The following ABCC4 variants were observed in gnomAD, a reference collection of about 807,000 sequenced individuals.
ABCC4 encodes ATP-binding cassette sub-family C member 4.
In ABCC4, 102 loss-of-function variants were observed where a neutral mutation model predicts 168.5. The ratio of observed to expected loss-of-function variants is 0.61; its 90% confidence interval spans 0.52 to 0.71. The LOEUF (loss-of-function observed/expected upper bound fraction) is 0.71, where lower values mean the gene tolerates loss of function less well. Ranked by LOEUF, ABCC4 falls within the 30% of genes least tolerant of loss-of-function variation. The pLI, the probability that ABCC4 is intolerant of heterozygous loss-of-function variation, is 0.00. For synonymous variants in ABCC4, 617 were observed against 590.7 expected (o/e 1.04, Z -0.65); for missense variants, 1,402 against 1,605.8 (o/e 0.87, Z 2.17).
At chr13:95,255,307 G>T (rs886314611) in intron 1 of ABCC4, among the ~76,000 whole-genome samples, 5 of 152,312 alleles carry the variant, frequency 3.3e-5, no homozygotes, top group African/African-American at 9.6e-5. Context: ...GTTCACCAGG[G>T]CCTCTGTCCT....
chr13:95,214,411 A>G (rs1182271555), intron 4 of ABCC4, among the ~76,000 whole-genome samples: 1 of 152,210 alleles, frequency 6.6e-6, no homozygotes. Context: ...CAAAGTTGGT[A>G]GCAAATATTA....
intron 4 of ABCC4, among the ~76,000 whole-genome samples, chr13:95,228,377 G>T (rs947918938): frequency 6.6e-6 from 1 of 152,156 alleles, no homozygotes; most frequent in Non-Finnish European, 1.5e-5. Flanking sequence ...TTATGGGAGG[G>T]CACCTTCCAC....
chr13:95,197,900 G>A (rs758336072), intron 8 of ABCC4, among the ~76,000 whole-genome samples: 1 of 152,026 alleles, frequency 6.6e-6, no homozygotes, highest in Admixed American at 6.6e-5. Flanking sequence ...TAAAAACTTC[G>A]CAATAAAACC....
intron 19 of ABCC4, among the ~76,000 whole-genome samples, chr13:95,142,701 T>C (rs575378209): frequency 2.0e-5 from 3 of 152,216 alleles, no homozygotes; most frequent in Middle Eastern, 3.4e-3. Flanking sequence ...ATGGCTAGAA[T>C]TAGGATTAGA....
At chr13:95,168,326 G>A (rs1208248479) in intron 14 of ABCC4, among the ~76,000 whole-genome samples, 1 of 152,114 alleles carries the variant, frequency 6.6e-6, no homozygotes, top group African/African-American at 2.4e-5. Flanking sequence ...CTGGGGGAGT[G>A]GGGAAGAGCC....
chr13:95,064,245 GGTGTGTGT>G (rs530317662), intron 25 of ABCC4, among the ~76,000 whole-genome samples: 1,202 of 42,326 alleles, frequency 0.028, 30 homozygotes, highest in East Asian at 0.044. Flanking sequence ...GGTACATCCG[GGTGTGTGT>G]GTGTGTGTAT....
intron 4 of ABCC4, among the ~76,000 whole-genome samples, chr13:95,232,878 C>A (rs1179420925): frequency 1.3e-5 from 2 of 152,054 alleles, no homozygotes; most frequent in Non-Finnish European, 2.9e-5. Context: ...TATCTCAATA[C>A]AAAAGCACAA....
chr13:95,144,665 A>G (rs536131623), intron 19 of ABCC4, among the ~76,000 whole-genome samples: 4 of 152,326 alleles, frequency 2.6e-5, no homozygotes, highest in Non-Finnish European at 5.9e-5. Context: ...AATATTTAGG[A>G]ACACAGGTAA....
intron 25 of ABCC4, among the ~76,000 whole-genome samples, chr13:95,063,937 A>G (rs2033397456): frequency 6.6e-6 from 1 of 152,156 alleles, no homozygotes; most frequent in South Asian, 2.1e-4. Context: ...GACATAAAAC[A>G]TGCCTTCAAT....
Position 95,206,569 on chromosome 13 carries a change from C to G in ABCC4, c.1124G>C (p.Arg375Thr), listed in dbSNP as rs2038786541. 1 of 1,614,070 alleles carries G rather than the reference C, an allele frequency of 6.2e-7. No homozygotes were observed. The highest frequency in any genetic ancestry group is 8.5e-7 in the Non-Finnish European group (1 of 1,180,028). The stretch of plus-strand genomic sequence containing the variant: ...GATGCTGACGATTGCCTCTGACACC[C>G]TCTCAATGGCTGAGGGGAAGAAGAG... ...VTLFFPSAIERVSEAIVSIRR... is the reference protein window; with the variant it reads ...VTLFFPSAIETVSEAIVSIRR... Residue 375 changes from arginine to threonine, a missense_variant, in exon 8 of 31, where the codon AGG becomes ACG. Arg to Thr is a moderately conservative substitution (Grantham distance 71, BLOSUM62 -1). Around this residue, in one of 3 missense-constraint regions of ABCC4, gnomAD observed 78 missense variants for 133.0 expected, o/e 0.59. Coordinates refer to ENST00000645237, the MANE Select transcript of ABCC4 (RefSeq NM_005845.5).
chr13:95,033,567 G>C (rs578231021), intron 30 of ABCC4, among the ~76,000 whole-genome samples: 1 of 152,084 alleles, frequency 6.6e-6, no homozygotes, highest in Non-Finnish European at 1.5e-5. Flanking sequence ...CGTAGCCTGC[G>C]TGTCTTTAAT....
intron 1 of ABCC4, among the ~76,000 whole-genome samples, chr13:95,256,231 C>T (rs796440923): frequency 4.6e-5 from 7 of 152,186 alleles, no homozygotes; most frequent in African/African-American, 1.2e-4. Context: ...CCATCATGCC[C>T]GGCTAAGTGA....
At chr13:95,167,318 A>C (rs1426729447) in intron 14 of ABCC4, among the ~76,000 whole-genome samples, 1 of 152,222 alleles carries the variant, frequency 6.6e-6, no homozygotes, top group Non-Finnish European at 1.5e-5. Context: ...CATAGAAAAT[A>C]ATGTACAAAT....
chr13:95,276,778 G>A (rs999632562), intron 1 of ABCC4, among the ~76,000 whole-genome samples: 3 of 152,142 alleles, frequency 2.0e-5, no homozygotes, highest in African/African-American at 7.2e-5. Context: ...CAACACTTTG[G>A]GAAGCCAAGG....
intron 19 of ABCC4, among the ~76,000 whole-genome samples, chr13:95,155,377 T>C (rs556838389): frequency 1.3e-5 from 2 of 152,090 alleles, no homozygotes; most frequent in African/African-American, 2.4e-5. Flanking sequence ...GGGGCAACCC[T>C]CGATTTTTGA....
intron 23 of ABCC4, 169 bp from the exon 24 acceptor site, chr13:95,073,473 G>C (rs879900847): frequency 2.2e-6 from 1 of 452,222 alleles, no homozygotes; most frequent in African/African-American, 2.0e-5. Flanking sequence ...ATACAATGGG[G>C]AAAACAACAC....
intron 1 of ABCC4, among the ~76,000 whole-genome samples, 165 bp from the exon 2 acceptor site, chr13:95,247,918 G>GCGCACACACACACACACA (rs145006616): frequency 7.0e-5 from 10 of 142,656 alleles, no homozygotes; most frequent in East Asian, 2.0e-4. Context: ...GTTAACATGT[G>GCGCACACACACACACACA]CACACACACA....
chr13:95,085,753 C>T (rs2034237247), intron 20 of ABCC4, among the ~76,000 whole-genome samples: 1 of 152,182 alleles, frequency 6.6e-6, no homozygotes, highest in Non-Finnish European at 1.5e-5. Context: ...TTGCCCTGCC[C>T]TCCCAAAAAC....
At chr13:95,203,725 G>A (rs562926269) in intron 8 of ABCC4, among the ~76,000 whole-genome samples, 1 of 151,948 alleles carries the variant, frequency 6.6e-6, no homozygotes, top group African/African-American at 2.4e-5. Flanking sequence ...AAGTCCAAGA[G>A]GGTTTGAGAT....
Sources: allele counts gnomAD v4.1 joint callset (sites outside exome capture counted in the v4.1 genomes callset), GRCh38; gene constraint gnomAD v4.1.1; regional missense constraint gnomAD v4.1.1; transcripts MANE v1.5; gene names NCBI Gene and HGNC (gene_info 2026-07-23, HGNC 2026-07-21).